The following FRMD1 variants were observed in gnomAD, a reference collection of about 807,000 sequenced individuals.
The protein encoded by FRMD1 is FERM domain-containing protein 1.
FRMD1 carries 51 observed loss-of-function variants against 54.9 expected under a neutral mutation model. The observed-to-expected ratio is 0.93, with a 90% CI of 0.74 to 1.17. The LOEUF (loss-of-function observed/expected upper bound fraction) is 1.17. Among genes scored for constraint, FRMD1 ranks in the 50% most tolerant of loss-of-function variants. The pLI, the probability that FRMD1 is intolerant of heterozygous loss-of-function variation, is 0.00. For synonymous variants in FRMD1, 324 were observed against 306.4 expected (o/e 1.06, Z -0.60); for missense variants, 729 against 743.0 (o/e 0.98, Z 0.22).
chr6:168,069,142 C>A (rs567764740), intron 2 of FRMD1, among the ~76,000 whole-genome samples: 1 of 152,186 alleles, frequency 6.6e-6, no homozygotes, highest in Non-Finnish European at 1.5e-5. Context: ...CTGTTATCTA[C>A]CCCCATCTCA....
At chr6:168,083,361 C>A (rs1445192337), upstream of FRMD1, among the ~76,000 whole-genome samples, 4 of 152,246 alleles carry the variant, frequency 2.6e-5, no homozygotes, top group African/African-American at 9.6e-5. Context: ...ATCTTAGCAG[C>A]AGGAAGGGTA....
chr6:168,065,068 G>A lies in FRMD1; in HGVS notation c.462-11C>T. On this transcript the variant is annotated splice_polypyrimidine_tract_variant and intron_variant, in intron 4 of 10. Transcript: ENST00000283309. Reference sequence around the variant, plus strand: ...CGTGCCCTGTGGTCGCTGGAAGGTGGCAGGGAGTGAGTTCCAGGACGACCG... The same window carrying A: ...CGTGCCCTGTGGTCGCTGGAAGGTGACAGGGAGTGAGTTCCAGGACGACCG... The A allele has an allele frequency of 1.9e-6, 3 of 1,594,356 alleles. No homozygotes were observed. The highest frequency in any genetic ancestry group is 2.6e-6 in the Non-Finnish European group (3 of 1,167,888).
intron 2 of FRMD1, among the ~76,000 whole-genome samples, chr6:168,072,710 G>GT (rs35261189): frequency 6.9e-6 from 1 of 145,064 alleles, no homozygotes; most frequent in African/African-American, 2.5e-5. Flanking sequence ...CCCTCGATTT[G>GT]TTTTTTGGCT....
At position 168,059,298 on chromosome 6, in the gene FRMD1, C is replaced by T; in HGVS notation, c.1343-110G>A. The stretch of plus-strand genomic sequence containing the variant: ...GGCCCTGGTCTCGGACCGGCATCTC[C>T]TGAGGCTCACACCGCCCCCTTGCTC... On this transcript the variant is annotated intron_variant, in intron 9 of 10. Transcript: ENST00000283309. The surrounding 1 kb of genome is among the most constrained non-coding windows in gnomAD (Gnocchi z 4.4). The T allele has an allele frequency of 1.2e-6, 1 of 857,508 alleles. No homozygotes were observed. Among genetic ancestry groups the T allele is most frequent in the Non-Finnish European group, 1.8e-6 (1 of 547,650 alleles). 53.1% of individuals were successfully genotyped at this position (857,508 alleles called of 1,614,324 possible). A position where few individuals can be genotyped will look rare whatever the true frequency, so the allele number is the denominator to read the frequency against.
intron 1 of FRMD1, among the ~76,000 whole-genome samples, chr6:168,088,198 C>G (rs952329919): frequency 6.6e-6 from 1 of 152,226 alleles, no homozygotes; most frequent in Non-Finnish European, 1.5e-5. Context: ...CTCTGGGATG[C>G]TCCGGCTGGG....
intron 8 of FRMD1, among the ~76,000 whole-genome samples, 194 bp downstream of exon 8, chr6:168,061,613 C>G (rs889507120): frequency 1.3e-5 from 2 of 152,256 alleles, no homozygotes; most frequent in Admixed American, 6.5e-5. Flanking sequence ...CCAGTCCCAT[C>G]TATAGAATTC....
chr6:168,080,314 C>A (rs1583210013), upstream of FRMD1, among the ~76,000 whole-genome samples: 4 of 151,606 alleles, frequency 2.6e-5, no homozygotes, highest in Admixed American at 6.6e-5. Flanking sequence ...CCTTCCCAGA[C>A]CCTCGAGGCC....
At chr6:168,071,732 C>T (rs79457495) in intron 2 of FRMD1, among the ~76,000 whole-genome samples, 11,409 of 152,304 alleles carry the variant, frequency 0.075, 428 homozygotes, top group Non-Finnish European at 0.08. Flanking sequence ...GAACTCCCTC[C>T]GCAGGGTAAA....
intron 6 of FRMD1, among the ~76,000 whole-genome samples, chr6:168,063,369 C>T (rs1799857907): frequency 6.6e-6 from 1 of 151,672 alleles, no homozygotes; most frequent in Admixed American, 6.6e-5. Flanking sequence ...CCCTGGGGTC[C>T]TGACCACTCT....
chr6:168,061,526 T>A (rs1415290678), intron 8 of FRMD1, among the ~76,000 whole-genome samples: 2 of 152,150 alleles, frequency 1.3e-5, no homozygotes, highest in Non-Finnish European at 2.9e-5. Context: ...GGGCACATGA[T>A]GGGAGGAGAA....
In FRMD1 at chr6:168,062,839, G is replaced by A. The variant is rs544020347; in HGVS notation, c.870+55C>T. ...AGCCCAGACTCCAGTGGGGAAGGGA[G>A]GAGGGGGTGGGGGCAGGACGAGGGG... On this transcript the variant is annotated intron_variant, in intron 7 of 10. Transcript: ENST00000283309. 3.8e-4 allele frequency: 617 copies of A among 1,603,296 alleles called. 1 individual carries two copies. The highest frequency in any genetic ancestry group is 2.6e-3 in the Admixed American group (155 of 59,992).
At chr6:168,086,821 C>T (rs1363416997) in intron 1 of FRMD1, among the ~76,000 whole-genome samples, 2 of 152,348 alleles carry the variant, frequency 1.3e-5, no homozygotes, top group African/African-American at 4.8e-5. Flanking sequence ...ACTGTGGGGG[C>T]CGGGGTGAAG....
At chr6:168,079,384 G>GC (rs1194558853), upstream of FRMD1, among the ~76,000 whole-genome samples, 1 of 152,208 alleles carries the variant, frequency 6.6e-6, no homozygotes, top group Non-Finnish European at 1.5e-5. Flanking sequence ...CTCGGTGTGG[G>GC]CCCCGTGAGA....
upstream of FRMD1, among the ~76,000 whole-genome samples, chr6:168,079,639 G>A (rs979587501): frequency 2.6e-5 from 4 of 152,224 alleles, no homozygotes; most frequent in African/African-American, 9.6e-5. Context: ...ACCTCAGGAA[G>A]CAGCACAGCT....
chr6:168,086,709 G>C (rs76504048), intron 1 of FRMD1, among the ~76,000 whole-genome samples: 2,451 of 152,060 alleles, frequency 0.016, 66 homozygotes, highest in African/African-American at 0.056. Context: ...CCCTTGGGCC[G>C]TCGTCTGTCA....
chr6:168,069,586 G>T (rs1285388627), intron 2 of FRMD1, among the ~76,000 whole-genome samples: 1 of 152,110 alleles, frequency 6.6e-6, no homozygotes, highest in African/African-American at 2.4e-5. Flanking sequence ...TCAGCAAAAG[G>T]CCTTTTATTT....
chr6:168,067,624 A>T, intron 2 of FRMD1, 178 bp from the exon 3 acceptor site: 1 of 550,374 alleles, frequency 1.8e-6, no homozygotes, highest in South Asian at 2.7e-5. Flanking sequence ...ATCTTAACAC[A>T]CATGCAGGTG....
At position 168,062,921 on chromosome 6, in the gene FRMD1, C is replaced by A; in HGVS notation, c.843G>T (p.Leu281=). Residue 281 remains leucine (L), a synonymous_variant, in exon 7 of 11, where the codon CTG becomes CTT. Coordinates refer to ENST00000283309, the MANE Select transcript of FRMD1 (RefSeq NM_024919.6). ...KEGRPTVILG[L]ALRGVHIYQG... ...GGTAGATGTGCACTCCCCTGAGGGC[C>A]AGTCCCAGGATCACGGTGGGACGAC... 2 of 1,614,124 alleles carry A rather than the reference C, an allele frequency of 1.2e-6. No homozygotes were observed. The highest frequency in any genetic ancestry group is 1.7e-6 in the Non-Finnish European group (2 of 1,179,972).
upstream of FRMD1, among the ~76,000 whole-genome samples, chr6:168,080,229 G>A (rs925879528): frequency 3.9e-5 from 6 of 152,052 alleles, no homozygotes; most frequent in Non-Finnish European, 8.8e-5. Flanking sequence ...AGATTTAGGA[G>A]GCTTAGGCCT....
Sources: allele counts gnomAD v4.1 joint callset (sites outside exome capture counted in the v4.1 genomes callset), GRCh38; gene constraint gnomAD v4.1.1; non-coding constraint Gnocchi (gnomAD v3.1); transcripts MANE v1.5; gene names NCBI Gene and HGNC (gene_info 2026-07-23, HGNC 2026-07-21).